Variants in GALNT16 observed in about 807,000 individuals in gnomAD.
The protein encoded by GALNT16 is UDP-GalNAc:polypeptide N-acetylgalactosaminyltransferase-like protein 1.
A neutral mutation model predicts 76.1 loss-of-function variants in GALNT16; 40 were observed. That is an observed-to-expected ratio of 0.53 (90% CI 0.41 to 0.68). GALNT16 has a LOEUF of 0.68. Among genes scored for constraint, GALNT16 ranks in the 30% least tolerant of loss-of-function variants. The pLI is 0.00. For synonymous variants in GALNT16, 276 were observed against 285.2 expected (o/e 0.97, Z 0.32); for missense variants, 621 against 731.9 (o/e 0.85, Z 1.75).
At chr14:69,272,555 A>T (rs2044418759) in intron 1 of GALNT16, among the ~76,000 whole-genome samples, 1 of 152,138 alleles carries the variant, frequency 6.6e-6, no homozygotes, top group South Asian at 2.1e-4. Flanking sequence ...TTGCAGCACA[A>T]TTACTTTATT....
chr14:69,260,990 C>A (rs1352539330), intron 1 of GALNT16, among the ~76,000 whole-genome samples: 1 of 152,142 alleles, frequency 6.6e-6, no homozygotes, highest in Non-Finnish European at 1.5e-5. Flanking sequence ...CCTTCTGAGC[C>A]GGGTCAACTT....
At chr14:69,299,458 G>A (rs1234119406) in intron 1 of GALNT16, among the ~76,000 whole-genome samples, 1 of 152,204 alleles carries the variant, frequency 6.6e-6, no homozygotes, top group Non-Finnish European at 1.5e-5. Context: ...ATGCTCCACT[G>A]TGATGGTGTT....
intron 1 of GALNT16, among the ~76,000 whole-genome samples, chr14:69,271,462 T>G (rs1302316475): frequency 3.9e-5 from 6 of 152,162 alleles, no homozygotes. Flanking sequence ...AGCCGGCCCC[T>G]GGGATCCCCG....
intron 1 of GALNT16, among the ~76,000 whole-genome samples, chr14:69,303,359 G>A (rs955448797): frequency 6.6e-6 from 1 of 152,112 alleles, no homozygotes; most frequent in Non-Finnish European, 1.5e-5. Flanking sequence ...TTGGGGTCAG[G>A]GATCAGGGCT....
intron 12 of GALNT16, among the ~76,000 whole-genome samples, chr14:69,346,771 G>A (rs1033680224): frequency 1.3e-5 from 2 of 152,038 alleles, no homozygotes; most frequent in Non-Finnish European, 2.9e-5. Flanking sequence ...CCTGAGCTCC[G>A]CCCATGGCTC....
the GALNT16 span, among the ~76,000 whole-genome samples, chr14:69,362,731 A>G: frequency 6.6e-6 from 1 of 152,250 alleles, no homozygotes; most frequent in African/African-American, 2.4e-5. Flanking sequence ...GGGAATCCTC[A>G]GGATACGTTT....
In GALNT16 at chr14:69,288,637, G is replaced by C. The variant is rs562144508; in HGVS notation, c.177+28170G>C. Reference sequence around the variant, plus strand: ...CTAGTTTACCACCTGGAATTACTCAGAGAAAATGAGATTAATGGGCCCTTC... The same window carrying C: ...CTAGTTTACCACCTGGAATTACTCACAGAAAATGAGATTAATGGGCCCTTC... On this transcript the variant is annotated intron_variant, in intron 1 of 14. Coordinates refer to ENST00000448469, the MANE Select transcript of GALNT16 (RefSeq NM_001168368.2). Among the ~76,000 whole-genome samples the C allele has an allele frequency of 1.3e-4, 20 of 152,342 alleles. No individual in the cohort carries two copies. The South Asian group carries it at 3.7e-3, about 28-fold the overall frequency.
the GALNT16 span, among the ~76,000 whole-genome samples, chr14:69,374,148 C>G: frequency 6.6e-6 from 1 of 152,188 alleles, no homozygotes; most frequent in Admixed American, 6.6e-5. Flanking sequence ...CTCCATCTTT[C>G]AAGTGCCCTC....
the GALNT16 span, among the ~76,000 whole-genome samples, chr14:69,386,217 C>G: frequency 1.3e-5 from 2 of 152,194 alleles, no homozygotes; most frequent in Non-Finnish European, 2.9e-5. Context: ...CAGCCACATT[C>G]CATGATTGGC....
chr14:69,280,374 C>CT (rs879427458), intron 1 of GALNT16, among the ~76,000 whole-genome samples: 4 of 152,216 alleles, frequency 2.6e-5, no homozygotes, highest in African/African-American at 7.2e-5. Flanking sequence ...TCAGAATTTC[C>CT]TTTTTTTAAG....
chr14:69,378,626 T>A, the GALNT16 span, among the ~76,000 whole-genome samples: 1 of 152,202 alleles, frequency 6.6e-6, no homozygotes, highest in Non-Finnish European at 1.5e-5. Context: ...CTTTTAATGA[T>A]TCCAAACACT....
rs1006381639 is a variant in GALNT16 at position 69,353,101 on chromosome 14, A to G, written c.*933A>G. 6.6e-6 allele frequency among the ~76,000 whole-genome samples: 1 copy of G among 152,168 alleles called. No individual in the cohort carries two copies. The highest frequency in any genetic ancestry group is 2.4e-5 in the African/African-American group (1 of 41,438). On this transcript the variant is annotated 3_prime_UTR_variant, in exon 15 of 15. Transcript: ENST00000448469. Reference sequence around the variant, plus strand: ...ACTGAAAGGACGGGTAGCCACACACATCCCTGAGTAGTCCCAGCCTCATTT... The same window carrying G: ...ACTGAAAGGACGGGTAGCCACACACGTCCCTGAGTAGTCCCAGCCTCATTT...
At chr14:69,342,016 A>G (rs2045493834) in intron 12 of GALNT16, among the ~76,000 whole-genome samples, 1 of 152,198 alleles carries the variant, frequency 6.6e-6, no homozygotes, top group Non-Finnish European at 1.5e-5. Flanking sequence ...CTTAGGAAAC[A>G]ACACTGCATT....
intron 1 of GALNT16, among the ~76,000 whole-genome samples, chr14:69,317,474 A>AT (rs1423255690): frequency 9.9e-5 from 15 of 152,206 alleles, no homozygotes; most frequent in African/African-American, 3.6e-4. Flanking sequence ...AAGGGACCAG[A>AT]TGCTTGGATT....
intron 1 of GALNT16, among the ~76,000 whole-genome samples, chr14:69,289,338 A>C (rs148382993): frequency 2.0e-5 from 3 of 152,058 alleles, no homozygotes; most frequent in Non-Finnish European, 2.9e-5. Context: ...TTAAGTTTGC[A>C]CAACTAACTG....
At chr14:69,356,984 A>T (rs937948534), downstream of GALNT16, 1 of 152,216 alleles carries the variant, frequency 6.6e-6, no homozygotes, top group Non-Finnish European at 1.5e-5. Context: ...CCAAATGCTT[A>T]ATCAATATGT....
chr14:69,335,270 C>T (rs1192121790), intron 9 of GALNT16, among the ~76,000 whole-genome samples: 1 of 152,210 alleles, frequency 6.6e-6, no homozygotes, highest in East Asian at 1.9e-4. Context: ...TGGGAATGGG[C>T]ATGGGACTCC....
At chr14:69,326,101 G>A in intron 5 of GALNT16, 74 bp downstream of exon 5, 1 of 1,154,006 alleles carries the variant, frequency 8.7e-7, no homozygotes. Context: ...ACTCTCTCTT[G>A]GTGCCGTGGC....
At chr14:69,293,036 C>G (rs756619025) in intron 1 of GALNT16, among the ~76,000 whole-genome samples, 7 of 152,180 alleles carry the variant, frequency 4.6e-5, no homozygotes, top group Non-Finnish European at 8.8e-5. Flanking sequence ...GCTGAGCACT[C>G]TGCACATATT....
Sources: gnomAD v4.1 joint callset for allele counts (sites outside exome capture counted in the v4.1 genomes callset) on GRCh38, gnomAD v4.1.1 for gene constraint, MANE v1.5 for transcripts, NCBI Gene and HGNC (gene_info 2026-07-23, HGNC 2026-07-21) for gene names.